Variants in FGF14 observed in about 807,000 individuals in gnomAD.
FGF14 encodes fibroblast growth factor 14, also known as fibroblast growth factor homologous factor 4.
In FGF14, 5 loss-of-function variants were observed where a neutral mutation model predicts 25.5. That is an observed-to-expected ratio of 0.20 (90% confidence interval 0.10 to 0.41). FGF14 has a LOEUF of 0.41. Ranked by LOEUF, FGF14 falls within the 10% of genes least tolerant of loss-of-function variation. The pLI, the probability that FGF14 is intolerant of heterozygous loss-of-function variation, is 1.00. For synonymous variants in FGF14, 138 were observed against 118.3 expected (o/e 1.17, Z -1.08); for missense variants, 222 against 320.1 (o/e 0.69, Z 2.34).
At chr13:101,878,205 CCCTTAA>C (rs552882517) in intron 1 of FGF14, among the ~76,000 whole-genome samples, 114 of 152,302 alleles carry the variant, frequency 7.5e-4, no homozygotes, top group African/African-American at 2.7e-3. Flanking sequence ...CTATCCTGTT[CCCTTAA>C]CCTTATCTGT....
chr13:101,947,930 T>C (rs989222633), intron 1 of FGF14, among the ~76,000 whole-genome samples: 1 of 152,230 alleles, frequency 6.6e-6, no homozygotes, highest in Non-Finnish European at 1.5e-5. Context: ...ACAAGACTTT[T>C]AAAAACAGAC....
chr13:102,370,627 CATT>C (rs771760921), intron 1 of FGF14, among the ~76,000 whole-genome samples: 2 of 151,924 alleles, frequency 1.3e-5, no homozygotes, highest in South Asian at 4.2e-4. Flanking sequence ...TTGATAAAAT[CATT>C]ATGTGTCAGA....
intron 1 of FGF14, among the ~76,000 whole-genome samples, chr13:102,281,420 T>C (rs1468858394): frequency 6.6e-6 from 1 of 152,124 alleles, no homozygotes; most frequent in Non-Finnish European, 1.5e-5. Context: ...TTCTAGCATG[T>C]TTTGGTCCCA....
intron 1 of FGF14, among the ~76,000 whole-genome samples, chr13:102,274,137 T>C (rs1295093179): frequency 6.6e-6 from 1 of 152,196 alleles, no homozygotes; most frequent in Non-Finnish European, 1.5e-5. Flanking sequence ...ATCGTGGATC[T>C]GCCATTGCCA....
At chr13:101,922,501 C>A (rs2034071161) in intron 1 of FGF14, among the ~76,000 whole-genome samples, 2 of 152,150 alleles carry the variant, frequency 1.3e-5, no homozygotes, top group South Asian at 4.1e-4. Flanking sequence ...ACACAGTTTT[C>A]TATCTTGCCT....
rs1412248832 is a variant in FGF14 at position 101,720,560 on chromosome 13, GTGTGTA to G, written c.*2265_*2270del. 104 of 150,618 alleles carry G rather than the reference GTGTGTA, an allele frequency of 6.9e-4. 1 individual carries two copies. Among genetic ancestry groups the G allele is most frequent in the Admixed American group, 1.1e-3 (17 of 15,028 alleles). The allele number at this position is 150,618 out of a possible 1,614,324, so 9.3% of individuals were successfully genotyped here. A position where few individuals can be genotyped will look rare whatever the true frequency, so the allele number is the denominator to read the frequency against. ...TGTGTGTGTGTGTGTGTGTGTGTGTGTGTGTATATGTGTGTGTTTGTGTGAAGTGAA... is the reference window on the plus strand; with the variant it reads ...TGTGTGTGTGTGTGTGTGTGTGTGTGTATGTGTGTGTTTGTGTGAAGTGAA... On this transcript the variant is annotated 3_prime_UTR_variant, in exon 5 of 5. Coordinates refer to ENST00000376143, the MANE Select transcript of FGF14 (RefSeq NM_004115.4).
rs537682226 is a variant in FGF14, at chr13:102,036,904, T to C, written c.209-161608A>G. On this transcript the variant is annotated intron_variant, in intron 1 of 4. Transcript: ENST00000376131. ...TTTAAAATTCTTGGAAAGATGAACT[T>C]GAGGAAAGAAAGGAGATTTTTCCTG... Among the ~76,000 whole-genome samples, 50 of 152,266 alleles carry C rather than the reference T, an allele frequency of 3.3e-4. No homozygotes were observed. In the South Asian group the frequency reaches 7.9e-3, roughly 24 times the overall value.
intron 3 of FGF14, among the ~76,000 whole-genome samples, chr13:101,755,499 CA>C (rs952942172): frequency 1.3e-5 from 2 of 151,078 alleles, no homozygotes; most frequent in Non-Finnish European, 3.0e-5. Flanking sequence ...CCGTCTCTTC[CA>C]AAAAAAATGA....
chr13:101,789,773 TATTAA>T (rs1049929599), intron 3 of FGF14, among the ~76,000 whole-genome samples: 33 of 152,012 alleles, frequency 2.2e-4, no homozygotes, highest in African/African-American at 7.5e-4. Flanking sequence ...TAAAAAAGTA[TATTAA>T]ATTAAAAATT....
chr13:102,135,060 C>CACAAAAAA (rs1309843867), intron 1 of FGF14, among the ~76,000 whole-genome samples: 40 of 139,270 alleles, frequency 2.9e-4, no homozygotes, highest in African/African-American at 1.1e-3. Flanking sequence ...CACACACACA[C>CACAAAAAA]AAATCCGCGT....
At chr13:101,932,435 A>T (rs2034814153) in intron 1 of FGF14, among the ~76,000 whole-genome samples, 1 of 150,150 alleles carries the variant, frequency 6.7e-6, no homozygotes, top group African/African-American at 2.5e-5. Context: ...CAGGAGGCTG[A>T]GGCAGGAGAA....
At chr13:102,074,874 C>T (rs749296343) in intron 1 of FGF14, among the ~76,000 whole-genome samples, 3 of 152,178 alleles carry the variant, frequency 2.0e-5, no homozygotes, top group African/African-American at 4.8e-5. Flanking sequence ...AAAAATTCAA[C>T]ATTCTCTTAT....
intron 1 of FGF14, among the ~76,000 whole-genome samples, chr13:102,003,501 T>G (rs953224514): frequency 2.0e-5 from 3 of 152,172 alleles, no homozygotes; most frequent in Admixed American, 2.0e-4. Flanking sequence ...CGTAACTATT[T>G]CTATGGGAAT....
intron 1 of FGF14, among the ~76,000 whole-genome samples, chr13:101,899,769 G>T (rs2031277761): frequency 6.6e-6 from 1 of 152,012 alleles, no homozygotes; most frequent in African/African-American, 2.4e-5. Context: ...GGCAAAAACT[G>T]ACAGGTCTGG....
At chr13:101,849,187 T>C (rs1458643504) in intron 3 of FGF14, among the ~76,000 whole-genome samples, 1 of 152,080 alleles carries the variant, frequency 6.6e-6, no homozygotes. Flanking sequence ...TTTTAACAAA[T>C]TGCAGCTTTG....
In FGF14 at chr13:102,145,847, A is replaced by G. The variant is rs530409205; in HGVS notation, c.208+255624T>C. ...TAGAGAAGTATATAAACATTATTTT[A>G]TTTGAGTGCAAGAGATATGAAATCC... On this transcript the variant is annotated intron_variant, in intron 1 of 4. Coordinates refer to the FGF14 transcript ENST00000376131. 4.6e-5 allele frequency among the ~76,000 whole-genome samples: 7 copies of G among 152,324 alleles called. No individual in the cohort carries two copies. In the South Asian group the frequency reaches 6.2e-4, roughly 14 times the overall value.
chr13:101,727,931 TAATA>T (rs995746722), intron 3 of FGF14, among the ~76,000 whole-genome samples: 4 of 152,152 alleles, frequency 2.6e-5, no homozygotes, highest in African/African-American at 9.7e-5. Flanking sequence ...CATTTTTCTT[TAATA>T]GATTTTATTA....
chr13:101,743,255 T>G (rs904091578), intron 3 of FGF14, among the ~76,000 whole-genome samples: 4 of 152,190 alleles, frequency 2.6e-5, no homozygotes, highest in African/African-American at 7.2e-5. Context: ...TCAGATACCT[T>G]TTGGTTTACA....
At chr13:102,192,129 G>A (rs1338271506) in intron 1 of FGF14, among the ~76,000 whole-genome samples, 1 of 152,150 alleles carries the variant, frequency 6.6e-6, no homozygotes. Flanking sequence ...CTGAGGCAAT[G>A]GTCCCACCCT....
Sources: allele counts gnomAD v4.1 joint callset (sites outside exome capture counted in the v4.1 genomes callset), GRCh38; gene constraint gnomAD v4.1.1; transcripts MANE v1.5; gene names NCBI Gene and HGNC (gene_info 2026-07-23, HGNC 2026-07-21).